The following WDFY1 variants were observed in gnomAD, a reference collection of about 807,000 sequenced individuals.
The protein encoded by WDFY1 is WD repeat and FYVE domain-containing protein 1.
WDFY1 carries 32 observed loss-of-function variants against 56.4 expected under a neutral mutation model. The observed-to-expected ratio is 0.57, with a 90% confidence interval of 0.43 to 0.76. The LOEUF is 0.76. Ranked by LOEUF, WDFY1 falls within the 30% of genes least tolerant of loss-of-function variation. WDFY1 has a pLI of 0.00. For synonymous variants in WDFY1, 192 were observed against 197.3 expected, an observed-to-expected ratio of 0.97 and a Z score of 0.23; for missense variants, 480 against 545.7, an observed-to-expected ratio of 0.88 and a Z score of 1.20.
intron 8 of WDFY1, 106 bp from the exon 9 acceptor site, chr2:223,884,855 T>TCTA: frequency 1.2e-6 from 1 of 817,172 alleles, no homozygotes; most frequent in Non-Finnish European, 1.7e-6. Flanking sequence ...GTATTTCTTT[T>TCTA]CTTCTTTTTT....
chr2:223,884,743 G>C lies in WDFY1; in HGVS notation c.838C>G (p.Gln280Glu). 1.2e-6 allele frequency: 2 copies of C among 1,614,020 alleles called. No homozygotes were observed. Among genetic ancestry groups the C allele is most frequent in the Non-Finnish European group, 1.7e-6 (2 of 1,179,976 alleles). ...NMDVSREEAP[Q>E]WLESDSCQKC... is the part of the protein sequence containing the mutation. ...TGACAAGAATCACTTTCCAACCACT[G>C]AGGAGCCTGGGGGAGCAGAAAGTCA... The change falls in exon 9 of 12, where the codon CAG becomes GAG. Residue 280 changes from glutamine (Q) to glutamate (E), a missense_variant. Physicochemically the swap from Gln to Glu is conservative, Grantham distance 29 (BLOSUM62 2). Transcript: ENST00000233055.
At chr2:223,937,437 T>G (rs1041818078) in intron 1 of WDFY1, among the ~76,000 whole-genome samples, 2 of 152,210 alleles carry the variant, frequency 1.3e-5, no homozygotes, top group South Asian at 4.1e-4. Context: ...TAAATGGGAA[T>G]GAAAACAATA....
chr2:223,896,670 T>C (rs184247241), intron 6 of WDFY1, among the ~76,000 whole-genome samples: 70 of 152,300 alleles, frequency 4.6e-4, no homozygotes, highest in Non-Finnish European at 9.6e-4. Flanking sequence ...CTAATAATAA[T>C]TTTGGTAGGT....
At chr2:223,911,615 C>CACACACAA (rs1355076149) in intron 3 of WDFY1, among the ~76,000 whole-genome samples, 1 of 128,050 alleles carries the variant, frequency 7.8e-6, no homozygotes, top group Admixed American at 8.1e-5. Flanking sequence ...CACACACACA[C>CACACACAA]AGAGTGACAG....
chr2:223,940,228 A>C (rs776204705), intron 1 of WDFY1, among the ~76,000 whole-genome samples: 1 of 152,180 alleles, frequency 6.6e-6, no homozygotes, highest in Non-Finnish European at 1.5e-5. Context: ...CTGAAGCAGG[A>C]GAATCGCTTG....
In WDFY1 at chr2:223,877,041, C is replaced by G. The variant is rs187596307; in HGVS notation, c.*1630G>C. ...CTTTAGGTGATGTAACACGAAAACT[C>G]TAAGGAACAACAAAACCCTTCAGTC... On this transcript the variant is annotated 3_prime_UTR_variant, in exon 12 of 12. Coordinates refer to ENST00000233055, the MANE Select transcript of WDFY1 (RefSeq NM_020830.5). 1 of 152,308 alleles carries G rather than the reference C, an allele frequency of 6.6e-6. No individual in the cohort carries two copies. Among genetic ancestry groups the G allele is most frequent in the Non-Finnish European group, 1.5e-5 (1 of 68,020 alleles). The allele number at this position is 152,308 out of a possible 1,614,324, so 9.4% of individuals were successfully genotyped here.
chr2:223,882,722 T>C (rs1252456593), intron 9 of WDFY1, among the ~76,000 whole-genome samples: 1 of 47,240 alleles, frequency 2.1e-5, no homozygotes, highest in East Asian at 4.4e-4. Context: ...AAAAAGGCAT[T>C]ATTATTATTT....
At chr2:223,895,250 G>A (rs970473085) in intron 7 of WDFY1, among the ~76,000 whole-genome samples, 2 of 152,112 alleles carry the variant, frequency 1.3e-5, no homozygotes, top group Admixed American at 6.6e-5. Context: ...AGTGGCAAGT[G>A]CTCTTTGGAC....
intron 1 of WDFY1, among the ~76,000 whole-genome samples, chr2:223,920,324 C>A (rs1052327239): frequency 2.6e-5 from 4 of 152,218 alleles, no homozygotes; most frequent in Non-Finnish European, 5.9e-5. Flanking sequence ...TGGGCCCACG[C>A]GGCCAGGCCC....
intron 1 of WDFY1, among the ~76,000 whole-genome samples, chr2:223,943,355 AG>A (rs1322629019): frequency 6.6e-6 from 1 of 152,148 alleles, no homozygotes; most frequent in Non-Finnish European, 1.5e-5. Flanking sequence ...GTGAACCAGC[AG>A]GGAGAGGCCA....
At chr2:223,906,572 G>A (rs1693600957) in intron 3 of WDFY1, among the ~76,000 whole-genome samples, 2 of 151,844 alleles carry the variant, frequency 1.3e-5, no homozygotes, top group Non-Finnish European at 1.5e-5. Flanking sequence ...ACAGAGTTTC[G>A]CTCTTGTTGC....
At chr2:223,901,017 T>A in intron 5 of WDFY1, 166 bp downstream of exon 5, 2 of 829,728 alleles carry the variant, frequency 2.4e-6, no homozygotes, top group Non-Finnish European at 3.5e-6. Context: ...TAATTGCAAT[T>A]TTTGCAATTA....
intron 1 of WDFY1, among the ~76,000 whole-genome samples, chr2:223,920,185 G>C (rs534131875): frequency 1.3e-5 from 2 of 152,182 alleles, no homozygotes; most frequent in Non-Finnish European, 2.9e-5. Context: ...ACAGGTATGC[G>C]ATTTGAAGGC....
intron 10 of WDFY1, among the ~76,000 whole-genome samples, chr2:223,881,506 G>A (rs372500535): frequency 6.6e-6 from 1 of 152,068 alleles, no homozygotes; most frequent in Non-Finnish European, 1.5e-5. Context: ...AAATGGCTTA[G>A]GGGCCAGGCA....
intron 3 of WDFY1, among the ~76,000 whole-genome samples, chr2:223,910,535 G>GA (rs1253549067): frequency 6.7e-6 from 1 of 149,558 alleles, no homozygotes; most frequent in African/African-American, 2.5e-5. Context: ...CTAACATACA[G>GA]AAAAAAACTC....
rs559221125 is a variant in WDFY1, at chr2:223,930,353, G to T, written c.138-12343C>A. 1.4e-4 allele frequency among the ~76,000 whole-genome samples: 21 copies of T among 152,296 alleles called. No homozygotes were observed. In the South Asian group the frequency reaches 3.9e-3, roughly 29 times the overall value. On this transcript the variant is annotated intron_variant, in intron 1 of 11. Coordinates refer to ENST00000233055, the MANE Select transcript of WDFY1 (RefSeq NM_020830.5). ...CTGAGCCTTGTTTTTGTTTTGAGAC[G>T]GAGTCCGGTTCTGTCACCCAGGCTG...
At chr2:223,913,987 A>G (rs1693746585) in intron 2 of WDFY1, among the ~76,000 whole-genome samples, 1 of 125,666 alleles carries the variant, frequency 8.0e-6, no homozygotes, top group Non-Finnish European at 1.6e-5. Flanking sequence ...CTTTCAAATC[A>G]GTTAGCTTTT....
intron 6 of WDFY1, among the ~76,000 whole-genome samples, chr2:223,898,064 T>A (rs769276800): frequency 5.1e-4 from 77 of 152,270 alleles, no homozygotes; most frequent in East Asian, 3.9e-4. Context: ...CAATACAGCA[T>A]CTAATGAAAC....
chr2:223,884,861 T>TCC, intron 8 of WDFY1, 112 bp from the exon 9 acceptor site: 1 of 780,636 alleles, frequency 1.3e-6, no homozygotes, highest in Non-Finnish European at 1.9e-6. Context: ...CTTTTCTTCT[T>TCC]TTTTTTTTTT....
Sources: allele counts gnomAD v4.1 joint callset (sites outside exome capture counted in the v4.1 genomes callset), GRCh38; gene constraint gnomAD v4.1.1; transcripts MANE v1.5; gene names NCBI Gene and HGNC (gene_info 2026-07-23, HGNC 2026-07-21).